Variants in ZBTB20 observed in about 807,000 individuals in gnomAD.
ZBTB20 encodes the protein zinc finger and BTB domain-containing protein 20.
In ZBTB20, 9 loss-of-function variants were observed where a neutral mutation model predicts 56.9. The ratio of observed to expected loss-of-function variants is 0.16; its 90% CI spans 0.10 to 0.28. The LOEUF (loss-of-function observed/expected upper bound fraction) is 0.28, where lower values mean the gene tolerates loss of function less well. Among genes scored for constraint, ZBTB20 ranks in the 10% least tolerant of loss-of-function variants. ZBTB20 has a pLI of 1.00. For synonymous variants in ZBTB20, 417 were observed against 420.7 expected (o/e 0.99, Z 0.11); for missense variants, 655 against 1,003.0 (o/e 0.65, Z 4.69).
At chr3:114,798,254 A>G (rs1299489660) in intron 5 of ZBTB20, among the ~76,000 whole-genome samples, 1 of 151,834 alleles carries the variant, frequency 6.6e-6, no homozygotes, top group African/African-American at 2.4e-5. Flanking sequence ...AAATCATCAT[A>G]AAGAATATTA....
intron 2 of ZBTB20, among the ~76,000 whole-genome samples, chr3:114,985,834 T>C (rs1228279940): frequency 6.6e-6 from 1 of 152,128 alleles, no homozygotes. Flanking sequence ...AGGACCTTTA[T>C]CTATAAAGTG....
intron 5 of ZBTB20, chr3:114,713,847 T>A (rs537718884): frequency 6.5e-6 from 1 of 152,704 alleles, no homozygotes; most frequent in South Asian, 2.1e-4. Flanking sequence ...CTATTTGATG[T>A]GTCCATTTTT....
chr3:114,443,126 G>A (rs1482019192), intron 7 of ZBTB20, among the ~76,000 whole-genome samples: 1 of 152,078 alleles, frequency 6.6e-6, no homozygotes, highest in Non-Finnish European at 1.5e-5. Context: ...GGTCTCCAAA[G>A]TAAAATCTAA....
chr3:114,475,156 A>G (rs2040597870), intron 7 of ZBTB20, among the ~76,000 whole-genome samples: 1 of 152,142 alleles, frequency 6.6e-6, no homozygotes, highest in Non-Finnish European at 1.5e-5. Flanking sequence ...TCTTTGCAGA[A>G]TCTTTACCCT....
intron 6 of ZBTB20, among the ~76,000 whole-genome samples, chr3:114,681,922 G>C (rs1312586213): frequency 1.3e-5 from 2 of 152,096 alleles, no homozygotes; most frequent in Non-Finnish European, 2.9e-5. Context: ...TAAATGAAAT[G>C]GCTTAAACAA....
At chr3:115,051,914 G>C (rs143669414) in intron 2 of ZBTB20, among the ~76,000 whole-genome samples, 2,343 of 152,112 alleles carry the variant, frequency 0.015, 32 homozygotes, top group South Asian at 0.049. Flanking sequence ...GCAGGAGAGA[G>C]AAAATGAAGA....
At chr3:114,625,601 T>C (rs1177318284) in intron 6 of ZBTB20, among the ~76,000 whole-genome samples, 3 of 152,098 alleles carry the variant, frequency 2.0e-5, no homozygotes, top group African/African-American at 7.2e-5. Context: ...CTCTTTAAGT[T>C]GAGCTTGGGT....
intron 6 of ZBTB20, among the ~76,000 whole-genome samples, chr3:114,669,809 G>T (rs2061264920): frequency 6.6e-6 from 1 of 151,966 alleles, no homozygotes; most frequent in African/African-American, 2.4e-5. Context: ...GCTAAGAGTT[G>T]CAGAACCATT....
chr3:114,693,041 T>C (rs1560134406), intron 6 of ZBTB20, among the ~76,000 whole-genome samples: 1 of 152,152 alleles, frequency 6.6e-6, no homozygotes, highest in African/African-American at 2.4e-5. Flanking sequence ...TACCATAGAA[T>C]ACTAATGGGT....
rs558396362 is a variant in ZBTB20 at position 114,845,334 on chromosome 3, T to C, written c.-416-44160A>G. On this transcript the variant is annotated intron_variant, in intron 4 of 11. Transcript: ENST00000675478. The stretch of plus-strand genomic sequence containing the variant: ...CTCTAGTGCAAAGCCATATTCAATT[T>C]TTTGTTATCTGATCTAGTATGAAGT... Among the ~76,000 whole-genome samples, 345 of 148,086 alleles carry C rather than the reference T, an allele frequency of 2.3e-3. 1 individual carries two copies. Among genetic ancestry groups the C allele is most frequent in the Non-Finnish European group, 4.2e-3 (284 of 67,376 alleles).
chr3:114,364,215 G>C (rs1024795295), intron 10 of ZBTB20, among the ~76,000 whole-genome samples: 1 of 152,188 alleles, frequency 6.6e-6, no homozygotes, highest in Non-Finnish European at 1.5e-5. Flanking sequence ...ACTTTGGGAG[G>C]CTGAGGTAGG....
chr3:114,905,289 A>T (rs1366636403), intron 3 of ZBTB20, among the ~76,000 whole-genome samples: 2 of 151,966 alleles, frequency 1.3e-5, no homozygotes, highest in African/African-American at 4.8e-5. Context: ...ACTTGAAGTT[A>T]TGGCTATTGA....
At chr3:114,561,145 CTTCTAA>C (rs1489194737) in intron 6 of ZBTB20, among the ~76,000 whole-genome samples, 1 of 152,160 alleles carries the variant, frequency 6.6e-6, no homozygotes, top group Non-Finnish European at 1.5e-5. Flanking sequence ...TCAGGCTTCA[CTTCTAA>C]TTCTAGTTCT....
chr3:114,530,073 AT>A (rs1346994880), intron 6 of ZBTB20, among the ~76,000 whole-genome samples: 1 of 152,264 alleles, frequency 6.6e-6, no homozygotes, highest in Non-Finnish European at 1.5e-5. Context: ...TGATCATAAC[AT>A]CACAGCACAA....
rs552415081 is a variant in ZBTB20, at chr3:114,371,271, C to T, written c.199+8946G>A. ...ACTGGATTAAAATATACTTTACAAA[C>T]TTTCTAAATTCTCAGATACTGGTGA... is the stretch of plus-strand genomic sequence containing the variant. On this transcript the variant is annotated intron_variant, in intron 10 of 11. Coordinates refer to ENST00000675478, the MANE Select transcript of ZBTB20 (RefSeq NM_001348800.3). 1.5e-3 allele frequency among the ~76,000 whole-genome samples: 225 copies of T among 152,122 alleles called. 2 individuals carry two copies. The highest frequency in any genetic ancestry group is 2.9e-3 in the Non-Finnish European group (194 of 68,034).
intron 6 of ZBTB20, among the ~76,000 whole-genome samples, chr3:114,657,762 C>T (rs1278775129): frequency 6.6e-6 from 1 of 152,008 alleles, no homozygotes; most frequent in Non-Finnish European, 1.5e-5. Flanking sequence ...ATTCCAACTG[C>T]TTTTGGTCAC....
chr3:114,756,044 A>G (rs182274560), intron 5 of ZBTB20, among the ~76,000 whole-genome samples: 23 of 151,526 alleles, frequency 1.5e-4, no homozygotes, highest in Admixed American at 1.4e-3. Flanking sequence ...TTATTGTTTT[A>G]TTTTTCTTAC....
At chr3:114,624,563 G>T (rs144220441) in intron 6 of ZBTB20, among the ~76,000 whole-genome samples, 1 of 152,326 alleles carries the variant, frequency 6.6e-6, no homozygotes, top group East Asian at 1.9e-4. Flanking sequence ...GGAAGTTCAT[G>T]TGAGTTCCCA....
chr3:114,329,380 AG>A lies in ZBTB20; in HGVS notation c.*9624del, dbSNP rs1365719183. 2 of 152,182 alleles carry A rather than the reference AG, an allele frequency of 1.3e-5. No homozygotes were observed. The highest frequency in any genetic ancestry group is 2.9e-5 in the Non-Finnish European group (2 of 68,022). 9.4% of individuals were successfully genotyped at this position (152,182 alleles called of 1,614,324 possible). On this transcript the variant is annotated 3_prime_UTR_variant, in exon 12 of 12. Transcript: ENST00000675478. ...TTTCAGGCACCTGGGATGGTGGAAA[AG>A]TTTATTCAACTGAGGCTTTCCATGC...
Sources: gnomAD v4.1 joint callset for allele counts (sites outside exome capture counted in the v4.1 genomes callset) on GRCh38, gnomAD v4.1.1 for gene constraint, MANE v1.5 for transcripts, NCBI Gene and HGNC (gene_info 2026-07-23, HGNC 2026-07-21) for gene names.